The following CABLES2 variants were observed in gnomAD, a reference collection of about 807,000 sequenced individuals.
The protein encoded by CABLES2 is Cdk5 and Abl enzyme substrate 2, also known as CDK5 and ABL1 enzyme substrate 2.
CABLES2 carries 35 observed loss-of-function variants against 44.8 expected under a neutral mutation model. The observed-to-expected ratio is 0.78, with a 90% CI of 0.60 to 1.04. The LOEUF is 1.04. CABLES2 is among the 50% of genes least tolerant of loss of function. The pLI, the probability that CABLES2 is intolerant of heterozygous loss-of-function variation, is 0.00. For synonymous variants in CABLES2, 282 were observed against 281.1 expected (o/e 1.00, Z -0.03); for missense variants, 566 against 615.7 (o/e 0.92, Z 0.85).
chr20:62,394,069 G>A (rs1987970334), intron 5 of CABLES2, 88 bp downstream of exon 5: 2 of 985,014 alleles, frequency 2.0e-6, no homozygotes, highest in African/African-American at 3.2e-5. Flanking sequence ...AGCTTCACGT[G>A]TGCCTCGTGG....
intron 1 of CABLES2, chr20:62,403,437 G>C (rs1264404613): frequency 6.6e-6 from 1 of 152,426 alleles, no homozygotes; most frequent in Admixed American, 6.5e-5. Flanking sequence ...GTGCGGCACG[G>C]AGGCGGAGGC....
chr20:62,407,096 G>T lies in CABLES2; in HGVS notation c.181C>A (p.Pro61Thr). The T allele has an allele frequency of 2.9e-6, 3 of 1,047,676 alleles. No individual in the cohort carries two copies. Among genetic ancestry groups the T allele is most frequent in the Non-Finnish European group, 3.5e-6 (3 of 869,490 alleles). The allele number at this position is 1,047,676 out of a possible 1,614,324, so 64.9% of individuals were successfully genotyped here. Residue 61 changes from proline to threonine, a missense_variant, in exon 1 of 10, where the codon CCC becomes ACC. Pro to Thr is a conservative substitution (Grantham distance 38). This residue lies in a region of CABLES2 where 130 missense variants were observed against 79.4 expected (regional missense o/e 1.64). Coordinates refer to ENST00000279101, the MANE Select transcript of CABLES2 (RefSeq NM_031215.3). ...FLNNISLDGR[P>T]PSLGPGGEKP... ...TCTCCGCCCGGGCCCAGGCTCGGGG[G>T]CCGCCCGTCCAGGGAGATGTTGTTG...
intron 3 of CABLES2, among the ~76,000 whole-genome samples, chr20:62,395,584 C>A (rs1988003690): frequency 2.0e-5 from 3 of 152,344 alleles, no homozygotes; most frequent in Non-Finnish European, 4.4e-5. Context: ...CCCTTGGACG[C>A]TGGCTCTGCC....
In CABLES2 at chr20:62,391,986, C is replaced by T. The variant is rs1402194495; in HGVS notation, c.1091+403G>A. On this transcript the variant is annotated intron_variant, in intron 8 of 9. Transcript: ENST00000279101. This position sits in a 1 kb window ranked among gnomAD's most constrained non-coding sequence, Gnocchi z 5.7. ...ATGTGAGAGCAGAGGCACACCTGGA[C>T]GGCCTTGGCGAGCACCCAGCATGCC... is the stretch of plus-strand genomic sequence containing the variant. 1.3e-5 allele frequency among the ~76,000 whole-genome samples: 2 copies of T among 152,062 alleles called. No individual in the cohort carries two copies. Among genetic ancestry groups the T allele is most frequent in the African/African-American group, 2.4e-5 (1 of 41,396 alleles).
chr20:62,406,838 A>C, intron 1 of CABLES2, 77 bp downstream of exon 1: 1 of 811,360 alleles, frequency 1.2e-6, no homozygotes, highest in Non-Finnish European at 1.6e-6. Context: ...CCTGACCCCT[A>C]GTCCTGGGCT....
chr20:62,397,916 A>AGTGGTGGTGGTGGTG (rs1988051004), intron 1 of CABLES2, among the ~76,000 whole-genome samples: 2 of 72,180 alleles, frequency 2.8e-5, no homozygotes, highest in East Asian at 1.4e-3. Flanking sequence ...TGGTGATGGC[A>AGTGGTGGTGGTGGTG]GTGGTGATGG....
chr20:62,400,016 A>G (rs1285287605), intron 1 of CABLES2, among the ~76,000 whole-genome samples: 1 of 152,222 alleles, frequency 6.6e-6, no homozygotes, highest in Non-Finnish European at 1.5e-5. Context: ...AAAATCTTTT[A>G]AAAGGCAAAG....
At chr20:62,397,923 A>ATGGCGG (rs1448110507) in intron 1 of CABLES2, among the ~76,000 whole-genome samples, 9 of 85,728 alleles carry the variant, frequency 1.0e-4, no homozygotes, top group African/African-American at 3.8e-4. Context: ...GGCAGTGGTG[A>ATGGCGG]TGGTGGTGGT....
At position 62,390,046 on chromosome 20, in the gene CABLES2, T is replaced by G. The variant is rs1308009982; in HGVS notation, c.*925A>C. 5 of 152,232 alleles carry G rather than the reference T, an allele frequency of 3.3e-5. No individual in the cohort carries two copies. The highest frequency in any genetic ancestry group is 4.8e-5 in the African/African-American group (2 of 41,384). 9.4% of individuals were successfully genotyped at this position (152,232 alleles called of 1,614,324 possible). On this transcript the variant is annotated 3_prime_UTR_variant, in exon 10 of 10. Transcript: ENST00000279101. ...CTTCAGCAGACCTCATTTAACCATT[T>G]TTTGTTCCCTTAAAAAAAAAAGACC...
intron 1 of CABLES2, among the ~76,000 whole-genome samples, chr20:62,397,984 CGGTGGT>C (rs1255678041): frequency 4.6e-5 from 2 of 43,796 alleles, no homozygotes; most frequent in South Asian, 8.7e-4. Context: ...GTGGTGATGG[CGGTGGT>C]GGTGATGATG....
chr20:62,394,793 T>C (rs1025336310), intron 4 of CABLES2, 144 bp downstream of exon 4: 14 of 680,192 alleles, frequency 2.1e-5, no homozygotes, highest in Non-Finnish European at 3.2e-5. Context: ...TTGCTGGAGG[T>C]TGACATGCTG....
rs537013541 is a variant in CABLES2, at chr20:62,397,079, T to C, written c.363-487A>G. Reference sequence around the variant, plus strand: ...GGGCACCCCTTGCTCTCAGGCCACCTTCCCCTGGCTTGCAGCTCCCTGCAC... The same window carrying C: ...GGGCACCCCTTGCTCTCAGGCCACCCTCCCCTGGCTTGCAGCTCCCTGCAC... On this transcript the variant is annotated intron_variant, in intron 1 of 9. Transcript: ENST00000279101. 3.9e-5 allele frequency among the ~76,000 whole-genome samples: 6 copies of C among 152,254 alleles called. No homozygotes were observed. In the East Asian group the frequency reaches 1.2e-3, roughly 29 times the overall value.
At chr20:62,406,871 C>A in intron 1 of CABLES2, 44 bp downstream of exon 1, 3 of 1,106,534 alleles carry the variant, frequency 2.7e-6, no homozygotes, top group South Asian at 4.5e-5. Context: ...GTCCCCGTCC[C>A]TGTACCCCGC....
At chr20:62,400,940 G>C (rs986529352) in intron 1 of CABLES2, among the ~76,000 whole-genome samples, 2 of 152,176 alleles carry the variant, frequency 1.3e-5, no homozygotes, top group African/African-American at 2.4e-5. Context: ...TAGTAAACTA[G>C]ATCTGCACAG....
intron 6 of CABLES2, among the ~76,000 whole-genome samples, 164 bp downstream of exon 6, chr20:62,393,276 G>A (rs913561339): frequency 3.9e-5 from 6 of 152,266 alleles, no homozygotes; most frequent in South Asian, 2.1e-4. Flanking sequence ...CAGGGATAGC[G>A]ATTCAGTGTG....
At chr20:62,394,882 G>C (rs999696692) in intron 4 of CABLES2, 55 bp downstream of exon 4, 9 of 1,537,860 alleles carry the variant, frequency 5.9e-6, no homozygotes, top group African/African-American at 1.4e-5. Context: ...CCGAGACCAG[G>C]CCTTGCCTTC....
chr20:62,393,812 A>G (rs1020800063), intron 5 of CABLES2, among the ~76,000 whole-genome samples: 3 of 152,202 alleles, frequency 2.0e-5, no homozygotes, highest in Admixed American at 6.5e-5. Flanking sequence ...ACTGTGCTTT[A>G]TCTGGGTTCT....
rs1402059310 is a variant in CABLES2 at position 62,407,191 on chromosome 20, G to A, written c.86C>T (p.Ala29Val). ...PPPPAAPTSA[A>V]RAPPQALRRR... ...CCGCAGCGCCTGCGGCGGGGCCCGAGCGGCCGAGGTCGGCGCGGCGGGTGG... is the reference window on the plus strand; with the variant it reads ...CCGCAGCGCCTGCGGCGGGGCCCGAACGGCCGAGGTCGGCGCGGCGGGTGG... Residue 29 changes from alanine to valine, a missense_variant, in exon 1 of 10, where the codon GCT (alanine) becomes GTT (valine). Around this residue, in one of 2 missense-constraint regions of CABLES2, gnomAD observed 130 missense variants for 79.4 expected, o/e 1.64. Transcript: ENST00000279101. 2 of 988,832 alleles carry A rather than the reference G, an allele frequency of 2.0e-6. No individual in the cohort carries two copies. The highest frequency in any genetic ancestry group is 2.4e-6 in the Non-Finnish European group (2 of 833,672). The allele number at this position is 988,832 out of a possible 1,614,324, so 61.3% of individuals were successfully genotyped here. A position where few individuals can be genotyped will look rare whatever the true frequency, so the allele number is the denominator to read the frequency against.
chr20:62,391,584 G>A lies in CABLES2; in HGVS notation c.1092-131C>T, dbSNP rs1987920204. ...CAAGAAACACCACCGCATCCTTCAG[G>A]GGATGGTACCCTCCGCCGTACCATG... On this transcript the variant is annotated intron_variant, in intron 8 of 9. Transcript: ENST00000279101. The surrounding 1 kb of genome is among the most constrained non-coding windows in gnomAD (Gnocchi z 5.7). The A allele has an allele frequency of 1.1e-6, 1 of 889,566 alleles. No individual in the cohort carries two copies. Among genetic ancestry groups the A allele is most frequent in the African/African-American group, 1.7e-5 (1 of 60,036 alleles). The allele number at this position is 889,566 out of a possible 1,614,324, so 55.1% of individuals were successfully genotyped here. A position where few individuals can be genotyped will look rare whatever the true frequency, so the allele number is the denominator to read the frequency against.
Sources: allele counts gnomAD v4.1 joint callset (sites outside exome capture counted in the v4.1 genomes callset), GRCh38; gene constraint gnomAD v4.1.1; regional missense constraint gnomAD v4.1.1; non-coding constraint Gnocchi (gnomAD v3.1); transcripts MANE v1.5; gene names NCBI Gene and HGNC (gene_info 2026-07-23, HGNC 2026-07-21).